TM7SF3: variants seen among roughly 807,000 people sequenced by gnomAD.
The protein encoded by TM7SF3 is transmembrane 7 superfamily member 3, also known as seven span transmembrane protein.
In TM7SF3, 60 loss-of-function variants were observed where a neutral mutation model predicts 65.5. The observed-to-expected ratio is 0.92, with a 90% CI of 0.74 to 1.14. The LOEUF (loss-of-function observed/expected upper bound fraction) is 1.14. Ranked by LOEUF, TM7SF3 falls within the 50% of genes most tolerant of loss-of-function variation. The probability of loss-of-function intolerance (pLI) is 0.00; values close to 1 mark genes in which losing one functional copy is unlikely to be tolerated. For synonymous variants in TM7SF3, 264 were observed against 259.6 expected, an observed-to-expected ratio of 1.02 and a Z score of -0.16; for missense variants, 623 against 684.8, an observed-to-expected ratio of 0.91 and a Z score of 1.01.
chr12:26,987,597 AG>A (rs1238330729), intron 6 of TM7SF3, among the ~76,000 whole-genome samples: 1 of 152,256 alleles, frequency 6.6e-6, no homozygotes, highest in Non-Finnish European at 1.5e-5. Context: ...AATAAATGGC[AG>A]GGGAGGGAAA....
At chr12:27,008,243 A>G (rs1196552274) in intron 1 of TM7SF3, among the ~76,000 whole-genome samples, 1 of 152,170 alleles carries the variant, frequency 6.6e-6, no homozygotes, top group Non-Finnish European at 1.5e-5. Flanking sequence ...CTGAGTATAT[A>G]GTGGTATCTC....
At chr12:26,989,022 G>C (rs768693378) in intron 6 of TM7SF3, among the ~76,000 whole-genome samples, 4 of 152,078 alleles carry the variant, frequency 2.6e-5, no homozygotes, top group African/African-American at 9.7e-5. Context: ...TCATTTTATT[G>C]TAAGACTATA....
intron 1 of TM7SF3, among the ~76,000 whole-genome samples, chr12:27,004,991 C>A (rs139765242): frequency 6.6e-6 from 1 of 152,038 alleles, no homozygotes; most frequent in Admixed American, 6.6e-5. Flanking sequence ...TTTGTGTGCA[C>A]GTGTTTTTTC....
chr12:26,974,534 T>A (rs188642178), intron 11 of TM7SF3, among the ~76,000 whole-genome samples: 43 of 152,294 alleles, frequency 2.8e-4, no homozygotes, highest in African/African-American at 1.0e-3. Context: ...TGTTTGTGTG[T>A]TTTTTCAGAG....
At chr12:26,999,376 A>ATG in intron 3 of TM7SF3, 150 bp downstream of exon 3, 1 of 697,514 alleles carries the variant, frequency 1.4e-6, no homozygotes, top group Non-Finnish European at 2.3e-6. Context: ...AGCCTGGGTG[A>ATG]CAGTGCGAGA....
chr12:27,014,218 G>A lies in TM7SF3; in HGVS notation c.-50C>T, dbSNP rs1035599642. 7 of 1,529,164 alleles carry A rather than the reference G, an allele frequency of 4.6e-6. No homozygotes were observed. Among genetic ancestry groups the A allele is most frequent in the African/African-American group, 2.8e-5 (2 of 71,740 alleles). 94.7% of individuals were successfully genotyped at this position (1,529,164 alleles called of 1,614,324 possible). The stretch of plus-strand genomic sequence containing the variant: ...ACGCCAGGGCTGGGGAGAGGTGCGG[G>A]CGTGCGCGCCGGGGCCCCGCAGCCT... On this transcript the variant is annotated 5_prime_UTR_variant, in exon 1 of 12. Coordinates refer to ENST00000343028, the MANE Select transcript of TM7SF3 (RefSeq NM_016551.3).
chr12:27,007,278 C>T (rs571012881), intron 1 of TM7SF3, among the ~76,000 whole-genome samples: 5 of 152,162 alleles, frequency 3.3e-5, no homozygotes, highest in South Asian at 2.1e-4. Flanking sequence ...GCCTACAGTG[C>T]GAACCAGGCA....
In TM7SF3 at chr12:26,995,309, GAGGTCATTCTC is replaced by G; in HGVS notation, c.607_617del (p.Glu203HisfsTer2). 1 of 1,614,166 alleles carries G rather than the reference GAGGTCATTCTC, an allele frequency of 6.2e-7. No individual in the cohort carries two copies. The highest frequency in any genetic ancestry group is 8.5e-7 in the Non-Finnish European group (1 of 1,180,038). On this transcript the variant is annotated frameshift_variant, in exon 5 of 12. Coordinates refer to ENST00000343028, the MANE Select transcript of TM7SF3 (RefSeq NM_016551.3). LOFTEE classifies it high-confidence loss of function. ...GATGCTTCAGCAACATCTCCTCAGTGAGGTCATTCTCAGGCAGAAAATACTGATAGACATCA... is the reference window on the plus strand; with the variant it reads ...GATGCTTCAGCAACATCTCCTCAGTGAGGCAGAAAATACTGATAGACATCA...
intron 9 of TM7SF3, among the ~76,000 whole-genome samples, chr12:26,976,889 T>G (rs1939590192): frequency 2.6e-5 from 4 of 152,228 alleles, no homozygotes; most frequent in Admixed American, 2.6e-4. Flanking sequence ...ACATGTGATT[T>G]CCTCATGTAT....
chr12:26,998,599 A>T (rs140917960), intron 3 of TM7SF3, among the ~76,000 whole-genome samples: 47 of 152,186 alleles, frequency 3.1e-4, no homozygotes, highest in African/African-American at 1.1e-3. Flanking sequence ...ACCACCAGTC[A>T]TTGTGTTGTA....
intron 1 of TM7SF3, among the ~76,000 whole-genome samples, chr12:27,004,765 T>C (rs903224466): frequency 4.6e-5 from 7 of 152,168 alleles, no homozygotes; most frequent in Non-Finnish European, 7.4e-5. Flanking sequence ...TTAATGTTTT[T>C]TTAAAAAAAT....
intron 1 of TM7SF3, among the ~76,000 whole-genome samples, chr12:27,007,168 T>C (rs1196941289): frequency 1.3e-5 from 2 of 152,238 alleles, no homozygotes; most frequent in African/African-American, 2.4e-5. Flanking sequence ...TCAAGAAATA[T>C]ACCTGAATTT....
At chr12:26,979,175 A>T (rs1025110145) in intron 9 of TM7SF3, 2 of 152,306 alleles carry the variant, frequency 1.3e-5, no homozygotes, top group African/African-American at 4.8e-5. Flanking sequence ...GAAAGGAAAC[A>T]ACCAAATAGA....
chr12:26,974,870 CACA>C (rs1054217933), intron 11 of TM7SF3, among the ~76,000 whole-genome samples: 3 of 152,182 alleles, frequency 2.0e-5, no homozygotes, highest in African/African-American at 7.2e-5. Context: ...AAAATAAAAT[CACA>C]ACAATCACAA....
At chr12:26,974,474 AGTT>A (rs1169701116) in intron 11 of TM7SF3, among the ~76,000 whole-genome samples, 3 of 152,174 alleles carry the variant, frequency 2.0e-5, no homozygotes, top group Non-Finnish European at 4.4e-5. Context: ...TAAAAAAATC[AGTT>A]GTTTGGATCC....
At chr12:27,012,995 C>CAA (rs772325397) in intron 1 of TM7SF3, 14,721 of 116,744 alleles carry the variant, frequency 0.13, 1,110 homozygotes, top group Non-Finnish European at 0.15. Flanking sequence ...GAGACTCCGT[C>CAA]AAAAAAAAAA....
intron 6 of TM7SF3, among the ~76,000 whole-genome samples, chr12:26,986,070 C>T (rs538595028): frequency 5.9e-5 from 9 of 151,716 alleles, no homozygotes; most frequent in Non-Finnish European, 1.3e-4. Context: ...CCTCGTGATC[C>T]GCCCGCCTTG....
chr12:26,993,423 G>C (rs1940460381), intron 5 of TM7SF3, among the ~76,000 whole-genome samples: 1 of 152,120 alleles, frequency 6.6e-6, no homozygotes, highest in Non-Finnish European at 1.5e-5. Context: ...CCTGTAAATA[G>C]GGAATCCAAT....
chr12:26,977,790 G>A (rs202193010), intron 9 of TM7SF3, among the ~76,000 whole-genome samples: 5 of 136,938 alleles, frequency 3.7e-5, no homozygotes, highest in South Asian at 2.4e-4. Context: ...GTGTGTGTGT[G>A]TATGTGTGTG....
Sources: gnomAD v4.1 joint callset for allele counts (sites outside exome capture counted in the v4.1 genomes callset) on GRCh38, gnomAD v4.1.1 for gene constraint, MANE v1.5 for transcripts, NCBI Gene and HGNC (gene_info 2026-07-23, HGNC 2026-07-21) for gene names.